Variants in RBFOX1 observed in about 807,000 individuals in gnomAD.
RBFOX1 encodes RNA binding fox-1 homolog 1, also known as RNA binding protein fox-1 homolog 1.
Under a neutral mutation model 57.7 loss-of-function variants are expected in RBFOX1, and 8 were observed. That is an observed-to-expected ratio of 0.14 (90% CI 0.08 to 0.25). RBFOX1 has a LOEUF of 0.25. RBFOX1 is among the 10% of genes least tolerant of loss of function. The pLI, the probability that RBFOX1 is intolerant of heterozygous loss-of-function variation, is 1.00. For missense variants in RBFOX1, 611 were observed against 548.5 expected (o/e 1.11, Z -1.14); for synonymous variants, 326 against 222.4 (o/e 1.47, Z -4.15).
intron 4 of RBFOX1, among the ~76,000 whole-genome samples, chr16:7,475,057 C>G (rs2062362682): frequency 6.6e-6 from 1 of 152,150 alleles, no homozygotes; most frequent in Non-Finnish European, 1.5e-5. Context: ...TTCACCAAAT[C>G]AGAGAGTCTT....
At chr16:5,784,751 C>A (rs2054442845) in intron 3 of RBFOX1, among the ~76,000 whole-genome samples, 1 of 152,030 alleles carries the variant, frequency 6.6e-6, no homozygotes. Context: ...TGGATTAGTG[C>A]CCTTTTGGAA....
At chr16:6,228,671 G>C (rs998986691) in intron 1 of RBFOX1, among the ~76,000 whole-genome samples, 4 of 152,148 alleles carry the variant, frequency 2.6e-5, no homozygotes, top group East Asian at 3.9e-4. Flanking sequence ...TGGCAGGGGA[G>C]AGTTGTTGGT....
chr16:7,447,753 A>T (rs925117794), intron 4 of RBFOX1, among the ~76,000 whole-genome samples: 3 of 152,354 alleles, frequency 2.0e-5, no homozygotes, highest in East Asian at 1.9e-4. Context: ...TTAAAAGCCA[A>T]GTCTAGTGAG....
At chr16:6,795,367 C>T (rs572803743) in intron 3 of RBFOX1, among the ~76,000 whole-genome samples, 1 of 152,162 alleles carries the variant, frequency 6.6e-6, no homozygotes, top group South Asian at 2.1e-4. Flanking sequence ...CCCGAGTCCA[C>T]AACAAAATAA....
At chr16:6,839,332 C>G (rs1368841546) in intron 3 of RBFOX1, among the ~76,000 whole-genome samples, 1 of 152,158 alleles carries the variant, frequency 6.6e-6, no homozygotes, top group Non-Finnish European at 1.5e-5. Flanking sequence ...TAACTCCTCA[C>G]TCTACTATTA....
chr16:5,305,428 G>T (rs1447773875), intron 1 of RBFOX1, among the ~76,000 whole-genome samples: 1 of 152,080 alleles, frequency 6.6e-6, no homozygotes, highest in Non-Finnish European at 1.5e-5. Flanking sequence ...GGTCTGGCAG[G>T]AAATGATGGG....
intron 1 of RBFOX1, among the ~76,000 whole-genome samples, chr16:6,056,739 G>C (rs2095619069): frequency 6.6e-6 from 1 of 152,104 alleles, no homozygotes; most frequent in African/African-American, 2.4e-5. Context: ...TTGTCTAGGA[G>C]AGGTACATTA....
At position 6,309,726 on chromosome 16, in the gene RBFOX1, C is replaced by A. The variant is rs1047512329; in HGVS notation, c.-126-7269C>A. ...TAGAGCTTCGGGGAGAAGTTTGCTT[C>A]CCTACAGAGGGAGGCTGGGAGGAAC... On this transcript the variant is annotated intron_variant, in intron 1 of 15. Coordinates refer to ENST00000550418, the MANE Select transcript of RBFOX1 (RefSeq NM_018723.4). Among the ~76,000 whole-genome samples, 3 of 151,916 alleles carry A rather than the reference C, an allele frequency of 2.0e-5. No homozygotes were observed. In the East Asian group the frequency reaches 5.8e-4, roughly 29 times the overall value.
intron 3 of RBFOX1, among the ~76,000 whole-genome samples, chr16:5,790,500 A>T (rs2054653881): frequency 7.0e-6 from 1 of 143,348 alleles, no homozygotes; most frequent in Non-Finnish European, 1.5e-5. Flanking sequence ...TGCAAGGAAA[A>T]CAATATGCTG....
intron 3 of RBFOX1, among the ~76,000 whole-genome samples, chr16:6,965,994 G>A (rs1254201558): frequency 6.6e-6 from 1 of 152,094 alleles, no homozygotes; most frequent in Non-Finnish European, 1.5e-5. Flanking sequence ...GGGAGTAAAT[G>A]CTCAAAATGG....
At chr16:5,430,719 G>T (rs1011093992) in intron 1 of RBFOX1, among the ~76,000 whole-genome samples, 1 of 152,156 alleles carries the variant, frequency 6.6e-6, no homozygotes, top group East Asian at 1.9e-4. Context: ...TTCCTGCTGC[G>T]CCAAAATGAT....
At chr16:6,111,256 C>T (rs1439148448) in intron 1 of RBFOX1, among the ~76,000 whole-genome samples, 1 of 152,154 alleles carries the variant, frequency 6.6e-6, no homozygotes, top group Non-Finnish European at 1.5e-5. Context: ...CAATGTCACC[C>T]CATTGTTGGA....
intron 1 of RBFOX1, among the ~76,000 whole-genome samples, chr16:5,437,800 ATCT>A (rs1425435125): frequency 1.3e-5 from 2 of 152,180 alleles, no homozygotes; most frequent in African/African-American, 4.8e-5. Flanking sequence ...TATTTTTCAC[ATCT>A]TCTTTAATGA....
At chr16:7,560,028 G>C (rs375728754) in intron 5 of RBFOX1, among the ~76,000 whole-genome samples, 1 of 152,226 alleles carries the variant, frequency 6.6e-6, no homozygotes, top group Non-Finnish European at 1.5e-5. Context: ...TTTATCTTGA[G>C]TGCATAGGAG....
At chr16:6,169,129 A>G (rs919332947) in intron 1 of RBFOX1, among the ~76,000 whole-genome samples, 2 of 152,208 alleles carry the variant, frequency 1.3e-5, no homozygotes, top group African/African-American at 4.8e-5. Context: ...GCAGATTAGC[A>G]AGGGGATTGC....
chr16:6,042,634 C>T (rs374913565), intron 1 of RBFOX1, among the ~76,000 whole-genome samples: 6 of 151,778 alleles, frequency 4.0e-5, no homozygotes, highest in East Asian at 1.9e-4. Context: ...TGTTCTGTGC[C>T]GATATGAGTG....
Position 6,058,735 on chromosome 16 carries a change from A to G in RBFOX1, c.-127+38743A>G, listed in dbSNP as rs1596806747. Among the ~76,000 whole-genome samples the G allele has an allele frequency of 4.7e-5, 7 of 149,378 alleles. No homozygotes were observed. In the South Asian group the frequency reaches 8.6e-4, roughly 18 times the overall value. On this transcript the variant is annotated intron_variant, in intron 1 of 15. Transcript: ENST00000550418. ...CACCCATCCACCCACCCATCCACCA[A>G]TCCATCCACCTATCCATTCACTCAT... is the stretch of plus-strand genomic sequence containing the variant.
At chr16:7,625,060 C>T (rs1041021707) in intron 10 of RBFOX1, among the ~76,000 whole-genome samples, 3 of 152,082 alleles carry the variant, frequency 2.0e-5, no homozygotes, top group Admixed American at 6.5e-5. Flanking sequence ...CTTGAGGAGG[C>T]GGTGTCTGAT....
At position 5,930,849 on chromosome 16, in the gene RBFOX1, G is replaced by A. The variant is rs111751133; in HGVS notation, c.351+63514G>A. Among the ~76,000 whole-genome samples, 219 of 145,588 alleles carry A rather than the reference G, an allele frequency of 1.5e-3. 1 individual carries two copies. Among genetic ancestry groups the A allele is most frequent in the African/African-American group, 5.2e-3 (201 of 38,938 alleles). ...GCATGGATGGATGGATGGATTCACC[G>A]ATGGATGCATGGATGGATGTATGGC... On this transcript the variant is annotated intron_variant, in intron 4 of 19. Transcript: ENST00000641259.
Sources: allele counts gnomAD v4.1 joint callset (sites outside exome capture counted in the v4.1 genomes callset), GRCh38; gene constraint gnomAD v4.1.1; transcripts MANE v1.5; gene names NCBI Gene and HGNC (gene_info 2026-07-23, HGNC 2026-07-21).